Variants in MBOAT2 observed in about 807,000 individuals in gnomAD.
The protein encoded by MBOAT2 is membrane bound glycerophospholipid O-acyltransferase 2.
A neutral mutation model predicts 63.4 loss-of-function variants in MBOAT2; 28 were observed. The observed-to-expected ratio is 0.44, with a 90% confidence interval of 0.33 to 0.61. The LOEUF (loss-of-function observed/expected upper bound fraction) is 0.61. Among genes scored for constraint, MBOAT2 ranks in the 20% least tolerant of loss-of-function variants. The probability of loss-of-function intolerance (pLI) is 0.03; values close to 1 mark genes in which losing one functional copy is unlikely to be tolerated. For missense variants in MBOAT2, 470 were observed against 605.8 expected (o/e 0.78, Z 2.35); for synonymous variants, 211 against 215.6 (o/e 0.98, Z 0.19).
Position 8,888,040 on chromosome 2 carries a change from A to G in MBOAT2, c.429T>C (p.Ser143=). 3.1e-6 allele frequency: 5 copies of G among 1,613,542 alleles called. No individual in the cohort carries two copies. Among genetic ancestry groups the G allele is most frequent in the Non-Finnish European group, 4.2e-6 (5 of 1,179,772 alleles). ...PMMIITQKIT[S]LACEIHDGMF... is the part of the protein sequence containing the mutation. ...TACCATCATGAATTTCGCAAGCCAAACTAGTGATCTTCTGAGTAATGATCA... is the reference window on the plus strand; with the variant it reads ...TACCATCATGAATTTCGCAAGCCAAGCTAGTGATCTTCTGAGTAATGATCA... The change falls in exon 5 of 13, where the codon AGT becomes AGC. Residue 143 remains serine, a synonymous_variant. Transcript: ENST00000305997.
intron 1 of MBOAT2, among the ~76,000 whole-genome samples, chr2:8,994,172 C>CA (rs1318148053): frequency 1.3e-5 from 2 of 151,912 alleles, no homozygotes; most frequent in Non-Finnish European, 2.9e-5. Context: ...AGACGGGACA[C>CA]AAAGATGAGT....
chr2:8,928,319 T>C (rs1667073648), intron 3 of MBOAT2, among the ~76,000 whole-genome samples: 1 of 152,060 alleles, frequency 6.6e-6, no homozygotes, highest in Admixed American at 6.6e-5. Context: ...AGAGCAGCAC[T>C]AGACAAGAGA....
Position 8,996,956 on chromosome 2 carries a change from T to C in MBOAT2, c.75+6584A>G, listed in dbSNP as rs535074620. Among the ~76,000 whole-genome samples the C allele has an allele frequency of 5.3e-5, 8 of 152,300 alleles. No individual in the cohort carries two copies. The South Asian group carries it at 1.7e-3, about 32-fold the overall frequency. Reference sequence around the variant, plus strand: ...GATGGGATTCAGAAAAAGATTCGTGTGCAAGGTGCAGTGGATACAGGAAGG... The same window carrying C: ...GATGGGATTCAGAAAAAGATTCGTGCGCAAGGTGCAGTGGATACAGGAAGG... On this transcript the variant is annotated intron_variant, in intron 1 of 12. Transcript: ENST00000305997.
At chr2:8,942,726 C>A (rs1383532544) in intron 3 of MBOAT2, among the ~76,000 whole-genome samples, 1 of 152,210 alleles carries the variant, frequency 6.6e-6, no homozygotes, top group African/African-American at 2.4e-5. Context: ...ATCCTTGACA[C>A]CTTATTTCCT....
In MBOAT2 at chr2:8,859,019, A is replaced by C. The variant is rs1661308979; in HGVS notation, c.1338-115T>G. The C allele has an allele frequency of 8.1e-6, 6 of 736,310 alleles. No individual in the cohort carries two copies. The Admixed American group carries it at 1.7e-4, about 21-fold the overall frequency. The allele number at this position is 736,310 out of a possible 1,614,324, so 45.6% of individuals were successfully genotyped here. On this transcript the variant is annotated intron_variant, in intron 12 of 12. Transcript: ENST00000305997. ...TTAGGATGTATTTGTTTACTACATT[A>C]CTACATTATTCTTTTATTTTTCCCC... is the stretch of plus-strand genomic sequence containing the variant.
At position 8,856,309 on chromosome 2, in the gene MBOAT2, AAAAACAC is replaced by A. The variant is rs1045783307; in HGVS notation, c.*2363_*2369del. The stretch of plus-strand genomic sequence containing the variant: ...GGTGGCTAGATAGGCTGAACCAAAA[AAAAACAC>A]ACACACACACACACACACACACACG... On this transcript the variant is annotated 3_prime_UTR_variant, in exon 13 of 13. Transcript: ENST00000305997. The surrounding 1 kb of genome is among the most constrained non-coding windows in gnomAD (Gnocchi z 4.2). The A allele has an allele frequency of 5.7e-5, 8 of 140,136 alleles. 1 individual carries two copies. The highest frequency in any genetic ancestry group is 2.5e-4 in the African/African-American group (8 of 31,378). The allele number at this position is 140,136 out of a possible 1,614,324, so 8.7% of individuals were successfully genotyped here. A position where few individuals can be genotyped will look rare whatever the true frequency, so the allele number is the denominator to read the frequency against.
At chr2:8,918,829 AT>A (rs1193442660) in intron 3 of MBOAT2, among the ~76,000 whole-genome samples, 1 of 152,192 alleles carries the variant, frequency 6.6e-6, no homozygotes, top group East Asian at 1.9e-4. Flanking sequence ...TAATTCAACA[AT>A]TTTTAGTAAA....
At chr2:8,876,204 C>T (rs1662688399) in intron 7 of MBOAT2, among the ~76,000 whole-genome samples, 1 of 152,204 alleles carries the variant, frequency 6.6e-6, no homozygotes, top group African/African-American at 2.4e-5. Flanking sequence ...TTCAAGTGCC[C>T]CAGTGGCTTA....
intron 4 of MBOAT2, among the ~76,000 whole-genome samples, chr2:8,895,225 A>G (rs1054542291): frequency 7.2e-5 from 11 of 152,186 alleles, no homozygotes; most frequent in Admixed American, 6.5e-4. Context: ...CTGATTGGTC[A>G]ATTTTACAGA....
intron 3 of MBOAT2, among the ~76,000 whole-genome samples, chr2:8,918,979 G>A (rs1216606202): frequency 6.6e-6 from 1 of 152,156 alleles, no homozygotes; most frequent in Non-Finnish European, 1.5e-5. Flanking sequence ...TCTTTTCTGG[G>A]AGTCTCATGT....
chr2:8,896,262 G>C (rs1181273008), intron 4 of MBOAT2, among the ~76,000 whole-genome samples: 1 of 147,238 alleles, frequency 6.8e-6, no homozygotes, highest in African/African-American at 2.5e-5. Context: ...AAAAAAAAGA[G>C]TTGTGAAAGG....
intron 2 of MBOAT2, among the ~76,000 whole-genome samples, chr2:8,944,965 C>T (rs1039081878): frequency 3.3e-5 from 5 of 152,126 alleles, no homozygotes; most frequent in South Asian, 2.1e-4. Flanking sequence ...ACGGAAAACA[C>T]ATTTTTGAGG....
chr2:8,962,296 TACC>T (rs1669666849), intron 1 of MBOAT2, among the ~76,000 whole-genome samples: 1 of 152,182 alleles, frequency 6.6e-6, no homozygotes, highest in Non-Finnish European at 1.5e-5. Flanking sequence ...TTATACTGCC[TACC>T]ACATTTAAAA....
chr2:8,951,622 T>C (rs1420858522), intron 2 of MBOAT2, among the ~76,000 whole-genome samples: 3 of 152,242 alleles, frequency 2.0e-5, no homozygotes, highest in African/African-American at 7.2e-5. Context: ...AATATTGGTC[T>C]GTTTGGTGTT....
chr2:8,938,704 C>T (rs1397364087), intron 3 of MBOAT2, among the ~76,000 whole-genome samples: 2 of 150,824 alleles, frequency 1.3e-5, no homozygotes, highest in Non-Finnish European at 3.0e-5. Flanking sequence ...CATGCTGTCA[C>T]GTTTCATGCT....
intron 3 of MBOAT2, among the ~76,000 whole-genome samples, chr2:8,941,558 G>A (rs986563145): frequency 4.6e-5 from 7 of 152,080 alleles, no homozygotes; most frequent in South Asian, 4.1e-4. Flanking sequence ...CAGCTACTCC[G>A]GAGGCTGAGG....
intron 3 of MBOAT2, among the ~76,000 whole-genome samples, chr2:8,928,046 G>A (rs1229826513): frequency 6.6e-6 from 1 of 152,036 alleles, no homozygotes; most frequent in Non-Finnish European, 1.5e-5. Flanking sequence ...AGAAAGCGGT[G>A]GGAGGTGCCA....
intron 3 of MBOAT2, among the ~76,000 whole-genome samples, chr2:8,916,525 C>G (rs779810944): frequency 6.6e-6 from 1 of 152,144 alleles, no homozygotes; most frequent in Non-Finnish European, 1.5e-5. Context: ...TCCCATGTAG[C>G]AGCAACTATG....
At chr2:8,859,117 G>A (rs1661315254) in intron 12 of MBOAT2, among the ~76,000 whole-genome samples, 1 of 152,104 alleles carries the variant, frequency 6.6e-6, no homozygotes, top group South Asian at 2.1e-4. Flanking sequence ...CTAATTAGAA[G>A]CCTGATTTTC....
Sources: allele counts gnomAD v4.1 joint callset (sites outside exome capture counted in the v4.1 genomes callset), GRCh38; gene constraint gnomAD v4.1.1; non-coding constraint Gnocchi (gnomAD v3.1); transcripts MANE v1.5; gene names NCBI Gene and HGNC (gene_info 2026-07-23, HGNC 2026-07-21).